C8orf34: variants seen among roughly 807,000 people sequenced by gnomAD.
The protein encoded by C8orf34 is uncharacterized protein C8orf34.
A neutral mutation model predicts 68.3 loss-of-function variants in C8orf34; 65 were observed. The observed-to-expected ratio is 0.95, with a 90% CI of 0.78 to 1.17. The LOEUF (loss-of-function observed/expected upper bound fraction) is 1.17. Ranked by LOEUF, C8orf34 falls within the 50% of genes most tolerant of loss-of-function variation. The pLI is 0.00. For synonymous variants in C8orf34, 244 were observed against 241.2 expected, an observed-to-expected ratio of 1.01 and a Z score of -0.11; for missense variants, 664 against 655.4, an observed-to-expected ratio of 1.01 and a Z score of -0.14.
chr8:68,520,441 G>T (rs1814699299), intron 5 of C8orf34, among the ~76,000 whole-genome samples: 1 of 151,608 alleles, frequency 6.6e-6, no homozygotes, highest in African/African-American at 2.4e-5. Flanking sequence ...AATTTTTATT[G>T]TTTTTTTTAA....
intron 1 of C8orf34, among the ~76,000 whole-genome samples, chr8:68,339,021 T>C (rs1805965374): frequency 6.6e-6 from 1 of 152,146 alleles, no homozygotes; most frequent in African/African-American, 2.4e-5. Context: ...TCTTTGGTGA[T>C]GTGTCTGTCC....
intron 1 of C8orf34, among the ~76,000 whole-genome samples, chr8:68,357,265 A>G (rs1442285512): frequency 1.3e-5 from 2 of 152,322 alleles, no homozygotes; most frequent in Non-Finnish European, 2.9e-5. Context: ...TTAGTTGTAT[A>G]GTAATGATAT....
intron 8 of C8orf34, among the ~76,000 whole-genome samples, chr8:68,667,609 G>C (rs1253774710): frequency 6.6e-6 from 1 of 152,102 alleles, no homozygotes; most frequent in East Asian, 1.9e-4. Flanking sequence ...ATTCCCAGAG[G>C]CTAGATGTTA....
intron 1 of C8orf34, among the ~76,000 whole-genome samples, chr8:68,433,063 G>A (rs895794289): frequency 1.1e-4 from 16 of 152,140 alleles, no homozygotes; most frequent in African/African-American, 3.4e-4. Context: ...ACATCAAGTG[G>A]ATAATTTCTC....
At chr8:68,586,889 GT>G (rs1257464395) in intron 7 of C8orf34, among the ~76,000 whole-genome samples, 1 of 152,054 alleles carries the variant, frequency 6.6e-6, no homozygotes, top group African/African-American at 2.4e-5. Context: ...TACAAATAAA[GT>G]TTTATTCAAC....
intron 10 of C8orf34, among the ~76,000 whole-genome samples, chr8:68,729,517 T>A (rs1233256734): frequency 1.3e-5 from 2 of 152,188 alleles, no homozygotes; most frequent in East Asian, 3.8e-4. Context: ...TGGAGATTCA[T>A]TCCTCTATCG....
chr8:68,541,699 T>C (rs538167899), intron 7 of C8orf34, among the ~76,000 whole-genome samples: 1 of 152,330 alleles, frequency 6.6e-6, no homozygotes, highest in Non-Finnish European at 1.5e-5. Flanking sequence ...ATCTTCTTGA[T>C]AGTTAAGTCT....
chr8:68,767,196 C>CAAAT lies in C8orf34; in HGVS notation c.1405-9185_1405-9182dup, dbSNP rs536912037. Among the ~76,000 whole-genome samples, 275 of 152,056 alleles carry CAAAT rather than the reference C, an allele frequency of 1.8e-3. 1 individual carries two copies. The highest frequency in any genetic ancestry group is 5.4e-3 in the African/African-American group (225 of 41,516). Reference sequence around the variant, plus strand: ...AGGCAACAGAGCAAGACTCTGTCTCCAAATAAATAAATAAATAAATAGCAC... The same window carrying CAAAT: ...AGGCAACAGAGCAAGACTCTGTCTCCAAATAAATAAATAAATAAATAAATAGCAC... On this transcript the variant is annotated intron_variant, in intron 10 of 13. Transcript: ENST00000518698.
At chr8:68,394,933 T>A (rs1386211280) in intron 1 of C8orf34, among the ~76,000 whole-genome samples, 1 of 151,968 alleles carries the variant, frequency 6.6e-6, no homozygotes, top group Non-Finnish European at 1.5e-5. Context: ...CCTTGTAGAG[T>A]GCTAGTGATG....
chr8:68,516,385 A>G (rs1814514155), intron 5 of C8orf34, among the ~76,000 whole-genome samples: 1 of 152,200 alleles, frequency 6.6e-6, no homozygotes, highest in Non-Finnish European at 1.5e-5. Context: ...AGCCTTCCAT[A>G]AACATCCAGT....
chr8:68,435,701 C>T (rs955961629), intron 1 of C8orf34, among the ~76,000 whole-genome samples: 2 of 152,224 alleles, frequency 1.3e-5, no homozygotes, highest in African/African-American at 4.8e-5. Context: ...GAAACTCTAA[C>T]TCAGATCATA....
At chr8:68,617,237 TC>T (rs1818249580) in intron 7 of C8orf34, among the ~76,000 whole-genome samples, 2 of 152,222 alleles carry the variant, frequency 1.3e-5, no homozygotes, top group African/African-American at 4.8e-5. Flanking sequence ...CTTGACTCTA[TC>T]CAATTTGCCA....
chr8:68,595,183 C>G (rs1264871046), intron 7 of C8orf34, among the ~76,000 whole-genome samples: 1 of 150,408 alleles, frequency 6.6e-6, no homozygotes, highest in Non-Finnish European at 1.5e-5. Context: ...TATACTGACA[C>G]TTACCCCCCA....
At chr8:68,395,076 A>G (rs566721139) in intron 1 of C8orf34, among the ~76,000 whole-genome samples, 1 of 152,066 alleles carries the variant, frequency 6.6e-6, no homozygotes, top group Non-Finnish European at 1.5e-5. Flanking sequence ...CTCCATACCA[A>G]GTCAAGTAAC....
At chr8:68,432,180 G>T (rs76220606) in intron 1 of C8orf34, among the ~76,000 whole-genome samples, 1 of 151,674 alleles carries the variant, frequency 6.6e-6, no homozygotes, top group African/African-American at 2.4e-5. Context: ...AACAAGCACC[G>T]TTGTAAAAGT....
At chr8:68,815,519 G>T (rs987989133) in intron 12 of C8orf34, among the ~76,000 whole-genome samples, 5 of 152,194 alleles carry the variant, frequency 3.3e-5, no homozygotes, top group African/African-American at 1.2e-4. Flanking sequence ...GGAGCAGTCT[G>T]CAGAGCAGAC....
intron 8 of C8orf34, among the ~76,000 whole-genome samples, chr8:68,664,430 C>A (rs1490210585): frequency 6.6e-6 from 1 of 152,110 alleles, no homozygotes; most frequent in African/African-American, 2.4e-5. Context: ...GATGCAAAAG[C>A]AATACAAATT....
intron 7 of C8orf34, among the ~76,000 whole-genome samples, chr8:68,581,107 T>A (rs182972238): frequency 1.3e-5 from 2 of 152,130 alleles, no homozygotes. Flanking sequence ...ATTTATTTAA[T>A]AAGTGTTATG....
chr8:68,590,012 T>A (rs549147770), intron 7 of C8orf34, among the ~76,000 whole-genome samples: 139 of 126,270 alleles, frequency 1.1e-3, no homozygotes, highest in East Asian at 2.4e-3. Flanking sequence ...TAAGAAAAAA[T>A]TTTTAAAAAA....
Sources: allele counts gnomAD v4.1 joint callset (sites outside exome capture counted in the v4.1 genomes callset), GRCh38; gene constraint gnomAD v4.1.1; transcripts MANE v1.5; gene names NCBI Gene and HGNC (gene_info 2026-07-23, HGNC 2026-07-21).